TMTC2: variants seen among roughly 807,000 people sequenced by gnomAD.
TMTC2 encodes the protein transmembrane O-mannosyltransferase targeting cadherins 2.
A neutral mutation model predicts 82.4 loss-of-function variants in TMTC2; 43 were observed. The ratio of observed to expected loss-of-function variants is 0.52; its 90% CI spans 0.41 to 0.67. The LOEUF is 0.67. Among genes scored for constraint, TMTC2 ranks in the 30% least tolerant of loss-of-function variants. The pLI is 0.00. For missense variants in TMTC2, 919 were observed against 1,012.4 expected, an observed-to-expected ratio of 0.91 and a Z score of 1.25; for synonymous variants, 408 against 381.9, an observed-to-expected ratio of 1.07 and a Z score of -0.80.
intron 2 of TMTC2, among the ~76,000 whole-genome samples, chr12:82,877,329 C>A (rs967383469): frequency 6.6e-6 from 1 of 152,180 alleles, no homozygotes; most frequent in African/African-American, 2.4e-5. Context: ...CCTACAATTG[C>A]ATCCTTTCCA....
chr12:82,705,035 G>A (rs144225003), intron 1 of TMTC2, among the ~76,000 whole-genome samples: 4 of 152,168 alleles, frequency 2.6e-5, no homozygotes, highest in East Asian at 1.9e-4. Flanking sequence ...AATGGCATTC[G>A]CAGTGACCTG....
At chr12:82,876,040 T>TGGC (rs1184566092) in intron 2 of TMTC2, among the ~76,000 whole-genome samples, 1,175 of 107,800 alleles carry the variant, frequency 0.011, 20 homozygotes, top group Non-Finnish European at 0.016. Flanking sequence ...GTGGTGGTGG[T>TGGC]GGTGGTGGTG....
At chr12:83,060,729 C>G (rs1882710317) in intron 10 of TMTC2, among the ~76,000 whole-genome samples, 1 of 151,720 alleles carries the variant, frequency 6.6e-6, no homozygotes, top group African/African-American at 2.4e-5. Context: ...AGAAGGTCTT[C>G]TGAAGCAGCA....
intron 1 of TMTC2, among the ~76,000 whole-genome samples, chr12:82,808,316 G>A (rs541084494): frequency 1.3e-5 from 2 of 150,090 alleles, no homozygotes; most frequent in African/African-American, 4.9e-5. Context: ...TTGAAGTTTT[G>A]TTATGCTTGC....
At chr12:82,823,728 G>A (rs12314083) in intron 1 of TMTC2, among the ~76,000 whole-genome samples, 3,630 of 152,198 alleles carry the variant, frequency 0.024, 147 homozygotes, top group African/African-American at 0.083. Context: ...AGGTAACCCT[G>A]TTCTTGAGAA....
intron 1 of TMTC2, among the ~76,000 whole-genome samples, chr12:82,756,246 T>G (rs1876318176): frequency 6.6e-6 from 1 of 152,220 alleles, no homozygotes; most frequent in African/African-American, 2.4e-5. Flanking sequence ...AAAATCCTTG[T>G]CTCACAATTC....
intron 11 of TMTC2, among the ~76,000 whole-genome samples, chr12:83,068,202 A>T (rs1362156800): frequency 6.6e-6 from 1 of 152,048 alleles, no homozygotes; most frequent in Admixed American, 6.6e-5. Flanking sequence ...GTAGTAGGGG[A>T]ATGACTGTGG....
At chr12:82,899,553 T>A (rs1873857184) in intron 3 of TMTC2, among the ~76,000 whole-genome samples, 1 of 143,094 alleles carries the variant, frequency 7.0e-6, no homozygotes. Context: ...TATATATATA[T>A]AAGAATATAT....
intron 11 of TMTC2, among the ~76,000 whole-genome samples, chr12:83,072,255 T>C (rs1235629723): frequency 6.6e-6 from 1 of 152,184 alleles, no homozygotes; most frequent in Non-Finnish European, 1.5e-5. Flanking sequence ...CTTGATTTTG[T>C]TTTTGACCCA....
intron 10 of TMTC2, among the ~76,000 whole-genome samples, chr12:83,061,260 T>C (rs2137472433): frequency 6.6e-6 from 1 of 151,894 alleles, no homozygotes; most frequent in South Asian, 2.1e-4. Flanking sequence ...AATCTGGACT[T>C]TTTATTTTTT....
intron 1 of TMTC2, among the ~76,000 whole-genome samples, chr12:82,791,397 A>C (rs1878463467): frequency 6.6e-6 from 1 of 152,094 alleles, no homozygotes; most frequent in Non-Finnish European, 1.5e-5. Context: ...TAAGTTATGG[A>C]ATGAATGGTG....
intron 10 of TMTC2, among the ~76,000 whole-genome samples, chr12:83,060,716 C>T (rs1156942498): frequency 6.6e-6 from 1 of 151,698 alleles, no homozygotes; most frequent in East Asian, 1.9e-4. Context: ...TACCTGCCAT[C>T]TTAGAAGGTC....
chr12:82,861,695 A>G (rs962116582), intron 2 of TMTC2, among the ~76,000 whole-genome samples: 1 of 152,212 alleles, frequency 6.6e-6, no homozygotes. Flanking sequence ...GATAAGTAAT[A>G]TGACTTACAA....
At chr12:82,911,656 A>G (rs923967503) in intron 3 of TMTC2, among the ~76,000 whole-genome samples, 2 of 151,798 alleles carry the variant, frequency 1.3e-5, no homozygotes, top group Admixed American at 1.3e-4. Context: ...AGGCTGGAGT[A>G]CAGTGGCACG....
intron 11 of TMTC2, among the ~76,000 whole-genome samples, chr12:83,093,413 A>G (rs982530287): frequency 3.3e-5 from 5 of 152,208 alleles, no homozygotes; most frequent in African/African-American, 1.2e-4. Flanking sequence ...TTTTGTGCCC[A>G]AAAGCTGAAA....
chr12:82,954,061 C>A (rs554877131), intron 4 of TMTC2, among the ~76,000 whole-genome samples: 1 of 151,970 alleles, frequency 6.6e-6, no homozygotes, highest in East Asian at 1.9e-4. Flanking sequence ...ATTACTGAAA[C>A]TCATTCTTGG....
chr12:83,123,469 G>A (rs1401391107), intron 11 of TMTC2, among the ~76,000 whole-genome samples: 1 of 152,176 alleles, frequency 6.6e-6, no homozygotes, highest in East Asian at 1.9e-4. Context: ...TATGACTGTA[G>A]TCAAAATAAG....
intron 2 of TMTC2, among the ~76,000 whole-genome samples, chr12:82,869,797 C>A (rs1460932916): frequency 2.0e-5 from 3 of 151,428 alleles, no homozygotes; most frequent in Admixed American, 2.0e-4. Context: ...CATGATTGCA[C>A]CACTGTACTC....
At chr12:82,789,730 C>A (rs115553533) in intron 1 of TMTC2, among the ~76,000 whole-genome samples, 1 of 152,150 alleles carries the variant, frequency 6.6e-6, no homozygotes, top group Admixed American at 6.5e-5. Flanking sequence ...CATCTTCCCT[C>A]TTTGAATGTA....
Sources: gnomAD v4.1 joint callset for allele counts (sites outside exome capture counted in the v4.1 genomes callset) on GRCh38, gnomAD v4.1.1 for gene constraint, MANE v1.5 for transcripts, NCBI Gene and HGNC (gene_info 2026-07-23, HGNC 2026-07-21) for gene names.